KPNA3: variants seen among roughly 807,000 people sequenced by gnomAD.
KPNA3 encodes the protein karyopherin subunit alpha 3, also known as importin subunit alpha-4.
In KPNA3, 13 loss-of-function variants were observed where a neutral mutation model predicts 73.8. The observed-to-expected ratio is 0.18, with a 90% CI of 0.11 to 0.28. The LOEUF (loss-of-function observed/expected upper bound fraction) is 0.28. KPNA3 is among the 10% of genes least tolerant of loss of function. The probability of loss-of-function intolerance (pLI) is 1.00; values close to 1 mark genes in which losing one functional copy is unlikely to be tolerated. For synonymous variants in KPNA3, 186 were observed against 206.9 expected, an observed-to-expected ratio of 0.90 and a Z score of 0.87; for missense variants, 360 against 618.1, an observed-to-expected ratio of 0.58 and a Z score of 4.43.
chr13:49,787,381 T>G (rs377552867), intron 1 of KPNA3, among the ~76,000 whole-genome samples: 4 of 152,242 alleles, frequency 2.6e-5, no homozygotes, highest in African/African-American at 9.6e-5. Context: ...TTCTGTGATA[T>G]AGTCGATATT....
At chr13:49,759,881 G>A (rs778008618) in intron 1 of KPNA3, among the ~76,000 whole-genome samples, 3 of 152,104 alleles carry the variant, frequency 2.0e-5, no homozygotes, top group Admixed American at 6.5e-5. Context: ...AGGAGTGATA[G>A]ATTATCACCA....
intron 10 of KPNA3, among the ~76,000 whole-genome samples, chr13:49,718,404 C>A (rs1198519088): frequency 6.6e-6 from 1 of 152,146 alleles, no homozygotes; most frequent in Non-Finnish European, 1.5e-5. Flanking sequence ...ATACCTGTAA[C>A]TACAGTACAC....
chr13:49,773,482 T>A (rs1015511139), intron 1 of KPNA3, among the ~76,000 whole-genome samples: 1 of 152,166 alleles, frequency 6.6e-6, no homozygotes, highest in Non-Finnish European at 1.5e-5. Flanking sequence ...ATTAATACCA[T>A]ATTATGCACT....
intron 10 of KPNA3, among the ~76,000 whole-genome samples, chr13:49,711,267 T>G (rs990000140): frequency 6.6e-6 from 1 of 152,212 alleles, no homozygotes; most frequent in Admixed American, 6.5e-5. Flanking sequence ...CTATTCCAAC[T>G]TCTGCATTTA....
At chr13:49,716,867 A>C (rs1006486239) in intron 10 of KPNA3, among the ~76,000 whole-genome samples, 13 of 152,246 alleles carry the variant, frequency 8.5e-5, no homozygotes, top group African/African-American at 3.1e-4. Context: ...AGGTGATCTC[A>C]TTCAATGCCC....
At chr13:49,703,247 G>A (rs1217284416) in intron 15 of KPNA3, among the ~76,000 whole-genome samples, 6 of 133,752 alleles carry the variant, frequency 4.5e-5, no homozygotes, top group African/African-American at 1.7e-4. Flanking sequence ...GCAGTGGCAC[G>A]TCTCGGCTCA....
chr13:49,786,079 G>A (rs1447733706), intron 1 of KPNA3, among the ~76,000 whole-genome samples: 3 of 152,182 alleles, frequency 2.0e-5, no homozygotes, highest in South Asian at 2.1e-4. Context: ...ATTCAAGTAT[G>A]AGCGAGTTCA....
intron 1 of KPNA3, among the ~76,000 whole-genome samples, chr13:49,769,906 A>C (rs1954839265): frequency 6.6e-6 from 1 of 152,118 alleles, no homozygotes; most frequent in Non-Finnish European, 1.5e-5. Flanking sequence ...TCCCAATGCT[A>C]TTATTTGTTT....
chr13:49,775,279 G>C (rs1358569110), intron 1 of KPNA3, among the ~76,000 whole-genome samples: 1 of 151,168 alleles, frequency 6.6e-6, no homozygotes, highest in Non-Finnish European at 1.5e-5. Context: ...TATTTAGTAA[G>C]TTAAAATAGT....
intron 2 of KPNA3, among the ~76,000 whole-genome samples, chr13:49,746,416 T>C (rs1363502162): frequency 6.6e-6 from 1 of 152,144 alleles, no homozygotes; most frequent in Non-Finnish European, 1.5e-5. Flanking sequence ...AGGTCAAGGC[T>C]GCAGTGAGCC....
intron 2 of KPNA3, among the ~76,000 whole-genome samples, chr13:49,745,978 G>A (rs537749528): frequency 8.3e-4 from 125 of 150,876 alleles, no homozygotes; most frequent in Admixed American, 2.2e-3. Flanking sequence ...CAGAAGAATG[G>A]CATGAACCCG....
At chr13:49,713,768 A>G (rs1175417871) in intron 10 of KPNA3, among the ~76,000 whole-genome samples, 2 of 152,008 alleles carry the variant, frequency 1.3e-5, no homozygotes, top group African/African-American at 4.8e-5. Flanking sequence ...TAGTAGCACA[A>G]TCTTGGCTCT....
chr13:49,753,174 A>G (rs968805790), intron 1 of KPNA3, among the ~76,000 whole-genome samples: 45 of 152,152 alleles, frequency 3.0e-4, no homozygotes, highest in Middle Eastern at 3.4e-3. Flanking sequence ...CTATAAATCA[A>G]AAAAAACTTC....
chr13:49,711,178 A>G (rs1954256806), intron 10 of KPNA3, among the ~76,000 whole-genome samples, 156 bp from the exon 11 acceptor site: 1 of 152,252 alleles, frequency 6.6e-6, no homozygotes. Context: ...TATTAAGTAG[A>G]AAGTACCTTA....
chr13:49,752,053 G>A (rs966201358), intron 1 of KPNA3, among the ~76,000 whole-genome samples: 1 of 152,162 alleles, frequency 6.6e-6, no homozygotes, highest in African/African-American at 2.4e-5. Context: ...GTTATGGGGC[G>A]ATTGAAGACC....
intron 1 of KPNA3, among the ~76,000 whole-genome samples, chr13:49,778,512 T>A (rs1232361967): frequency 6.6e-6 from 1 of 152,268 alleles, no homozygotes; most frequent in Non-Finnish European, 1.5e-5. Flanking sequence ...CTAAGGACTT[T>A]CTTTTAACAA....
At chr13:49,787,506 G>A (rs1954992957) in intron 1 of KPNA3, among the ~76,000 whole-genome samples, 1 of 152,018 alleles carries the variant, frequency 6.6e-6, no homozygotes, top group South Asian at 2.1e-4. Flanking sequence ...TTAGCATCAA[G>A]CTTTATTTGT....
At position 49,701,426 on chromosome 13, in the gene KPNA3, T is replaced by G; in HGVS notation, c.*374A>C. 2.1e-6 allele frequency: 1 copy of G among 469,492 alleles called. No individual in the cohort carries two copies. The highest frequency in any genetic ancestry group is 4.4e-6 in the Non-Finnish European group (1 of 226,684). The allele number at this position is 469,492 out of a possible 1,614,324, so 29.1% of individuals were successfully genotyped here. On this transcript the variant is annotated 3_prime_UTR_variant, in exon 17 of 17. Transcript: ENST00000261667. The stretch of plus-strand genomic sequence containing the variant: ...CTTGTATATGCATCATACCAAAGTG[T>G]CTTGATCCACAGCGCACCATTTTCC...
chr13:49,726,879 G>C (rs1318790010), intron 6 of KPNA3, among the ~76,000 whole-genome samples: 1 of 152,076 alleles, frequency 6.6e-6, no homozygotes, highest in Non-Finnish European at 1.5e-5. Flanking sequence ...CTTGAGCCTA[G>C]GAGTTTGAGG....
Sources: gnomAD v4.1 joint callset for allele counts (sites outside exome capture counted in the v4.1 genomes callset) on GRCh38, gnomAD v4.1.1 for gene constraint, MANE v1.5 for transcripts, NCBI Gene and HGNC (gene_info 2026-07-23, HGNC 2026-07-21) for gene names.